The following NEK7 variants were observed in gnomAD, a reference collection of about 807,000 sequenced individuals.
NEK7 encodes the protein NIMA related kinase 7, also known as serine/threonine-protein kinase Nek7.
NEK7 carries 18 observed loss-of-function variants against 44.6 expected under a neutral mutation model. The ratio of observed to expected loss-of-function variants is 0.40; its 90% CI spans 0.28 to 0.60. The LOEUF is 0.60. Ranked by LOEUF, NEK7 falls within the 20% of genes least tolerant of loss-of-function variation. NEK7 has a pLI of 0.38. For missense variants in NEK7, 256 were observed against 366.5 expected (o/e 0.70, Z 2.46); for synonymous variants, 130 against 121.1 (o/e 1.07, Z -0.48).
At chr1:198,217,226 A>G (rs1405896501) in intron 1 of NEK7, among the ~76,000 whole-genome samples, 2 of 152,104 alleles carry the variant, frequency 1.3e-5, no homozygotes, top group Non-Finnish European at 2.9e-5. Context: ...AACCAAACTC[A>G]ACAGCACGTC....
chr1:198,217,219 C>T (rs1015031239), intron 1 of NEK7, among the ~76,000 whole-genome samples: 1 of 151,970 alleles, frequency 6.6e-6, no homozygotes, highest in African/African-American at 2.4e-5. Flanking sequence ...GTTAGCAAAC[C>T]AAACTCAACA....
At chr1:198,305,510 G>A (rs1300990039) in intron 9 of NEK7, among the ~76,000 whole-genome samples, 1 of 151,972 alleles carries the variant, frequency 6.6e-6, no homozygotes, top group Non-Finnish European at 1.5e-5. Flanking sequence ...AAACTTAGAG[G>A]TATTTCTTAT....
At chr1:198,310,885 T>C (rs1421763708) in intron 9 of NEK7, among the ~76,000 whole-genome samples, 1 of 151,082 alleles carries the variant, frequency 6.6e-6, no homozygotes, top group Non-Finnish European at 1.5e-5. Flanking sequence ...GCCTCCAGCT[T>C]TGTTCTTTTC....
chr1:198,233,659 C>T (rs1161693846), intron 2 of NEK7, among the ~76,000 whole-genome samples: 1 of 151,612 alleles, frequency 6.6e-6, no homozygotes, highest in Non-Finnish European at 1.5e-5. Flanking sequence ...TCCTCAGAGC[C>T]TTTCCTACAC....
chr1:198,231,299 G>GTATATATATA lies in NEK7; in HGVS notation c.-28-1253_-28-1252insATATATATAT, dbSNP rs1375044919. On this transcript the variant is annotated intron_variant, in intron 1 of 9. Coordinates refer to ENST00000367385, the MANE Select transcript of NEK7 (RefSeq NM_133494.3). ...TGTGTGTATATACGTGTATGTGTGT[G>GTATATATATA]TGTATATATATATATATATATATAT... Among the ~76,000 whole-genome samples the GTATATATATA allele has an allele frequency of 5.6e-3, 553 of 98,012 alleles. 2 individuals are homozygous for GTATATATATA. The highest frequency in any genetic ancestry group is 0.018 in the African/African-American group (418 of 23,066). 64.3% of individuals were successfully genotyped at this position (98,012 alleles called of 152,430 possible).
chr1:198,157,522 C>G (rs959814537), intron 1 of NEK7, among the ~76,000 whole-genome samples: 4 of 152,312 alleles, frequency 2.6e-5, no homozygotes, highest in African/African-American at 9.6e-5. Context: ...TCTAGAGGCC[C>G]GAGGCCGCCA....
intron 3 of NEK7, among the ~76,000 whole-genome samples, chr1:198,255,244 A>G (rs771632151): frequency 2.4e-4 from 37 of 152,154 alleles, no homozygotes; most frequent in African/African-American, 8.7e-4. Context: ...GTAGAGTAAC[A>G]ATCTTCAAAA....
At position 198,231,297 on chromosome 1, in the gene NEK7, G is replaced by GTA. The variant is rs1236094292; in HGVS notation, c.-28-1255_-28-1254insAT. The stretch of plus-strand genomic sequence containing the variant: ...TGTGTGTGTATATACGTGTATGTGT[G>GTA]TGTGTATATATATATATATATATAT... On this transcript the variant is annotated intron_variant, in intron 1 of 9. Transcript: ENST00000367385. Among the ~76,000 whole-genome samples, 405 of 90,070 alleles carry GTA rather than the reference G, an allele frequency of 4.5e-3. 3 individuals carry two copies. The highest frequency in any genetic ancestry group is 0.014 in the African/African-American group (259 of 18,258). 59.1% of individuals were successfully genotyped at this position (90,070 alleles called of 152,430 possible).
chr1:198,298,554 T>C (rs915745913), intron 9 of NEK7, among the ~76,000 whole-genome samples: 5 of 152,218 alleles, frequency 3.3e-5, no homozygotes, highest in Non-Finnish European at 5.9e-5. Context: ...TTTTAATTAC[T>C]ATTTTGGGTA....
chr1:198,309,538 C>G (rs2103032162), intron 9 of NEK7, among the ~76,000 whole-genome samples: 1 of 152,100 alleles, frequency 6.6e-6, no homozygotes, highest in Non-Finnish European at 1.5e-5. Context: ...TGCTGCTGCG[C>G]TGCACCAGCT....
At chr1:198,257,992 C>T (rs1173929435) in intron 3 of NEK7, among the ~76,000 whole-genome samples, 3 of 151,886 alleles carry the variant, frequency 2.0e-5, no homozygotes, top group Non-Finnish European at 2.9e-5. Flanking sequence ...TAATTATAGC[C>T]AAAAAGGAAA....
intron 3 of NEK7, chr1:198,256,499 T>A: frequency 6.4e-7 from 1 of 1,564,888 alleles, no homozygotes; most frequent in Non-Finnish European, 8.6e-7. Flanking sequence ...AGATGGTACC[T>A]TAACTAATAA....
intron 2 of NEK7, among the ~76,000 whole-genome samples, chr1:198,235,402 C>T (rs1666520827): frequency 6.6e-6 from 1 of 151,954 alleles, no homozygotes; most frequent in African/African-American, 2.4e-5. Flanking sequence ...TTCTTCCTTT[C>T]TTGATTCTTT....
At chr1:198,306,225 T>C (rs997606242) in intron 9 of NEK7, among the ~76,000 whole-genome samples, 7 of 152,092 alleles carry the variant, frequency 4.6e-5, no homozygotes, top group African/African-American at 1.7e-4. Flanking sequence ...TACTCAAGCA[T>C]TGGAACTAGC....
chr1:198,217,679 T>C (rs1185173553), intron 1 of NEK7, among the ~76,000 whole-genome samples: 1 of 151,942 alleles, frequency 6.6e-6, no homozygotes. Flanking sequence ...ATCTTATACC[T>C]AGAAAACCCT....
At chr1:198,249,352 T>C (rs1481638637) in intron 2 of NEK7, among the ~76,000 whole-genome samples, 3 of 152,128 alleles carry the variant, frequency 2.0e-5, no homozygotes, top group Admixed American at 6.5e-5. Context: ...AATAAACATA[T>C]GTGTGCATGT....
intron 9 of NEK7, among the ~76,000 whole-genome samples, chr1:198,302,876 CCT>C (rs142493366): frequency 0.057 from 8,629 of 152,104 alleles, 888 homozygotes; most frequent in African/African-American, 0.2. Context: ...ATGGCATCCC[CCT>C]GTTTGTGTTA....
chr1:198,215,161 G>T (rs1264615500), intron 1 of NEK7, among the ~76,000 whole-genome samples: 4 of 150,058 alleles, frequency 2.7e-5, no homozygotes, highest in Non-Finnish European at 4.4e-5. Context: ...AGCCATACAA[G>T]AAATTCTAAA....
intron 1 of NEK7, among the ~76,000 whole-genome samples, chr1:198,222,533 G>A (rs1342508449): frequency 1.6e-4 from 25 of 152,106 alleles, no homozygotes; most frequent in South Asian, 2.1e-4. Context: ...GTACCACCAC[G>A]TGCTGTTTCC....
Sources: gnomAD v4.1 joint callset for allele counts (sites outside exome capture counted in the v4.1 genomes callset) on GRCh38, gnomAD v4.1.1 for gene constraint, MANE v1.5 for transcripts, NCBI Gene and HGNC (gene_info 2026-07-23, HGNC 2026-07-21) for gene names.